SRGAP1: variants seen among roughly 807,000 people sequenced by gnomAD.
SRGAP1 encodes the protein SLIT-ROBO Rho GTPase activating protein 1.
A neutral mutation model predicts 121.9 loss-of-function variants in SRGAP1; 43 were observed. The ratio of observed to expected loss-of-function variants is 0.35; its 90% CI spans 0.28 to 0.46. The LOEUF is 0.46. SRGAP1 is among the 20% of genes least tolerant of loss of function. SRGAP1 has a pLI of 1.00. For synonymous variants in SRGAP1, 447 were observed against 485.4 expected (o/e 0.92, Z 1.04); for missense variants, 1,102 against 1,350.9 (o/e 0.82, Z 2.89).
Position 64,123,528 on chromosome 12 carries a change from A to T in SRGAP1, c.2225-2449A>T, listed in dbSNP as rs74502319. ...TAAAGTTATAGTCCCTCCTCTATGA[A>T]GCAGACACATAGATGTTTAATAAAG... is the stretch of plus-strand genomic sequence containing the variant. On this transcript the variant is annotated intron_variant, in intron 18 of 21. Transcript: ENST00000355086. Among the ~76,000 whole-genome samples the T allele has an allele frequency of 6.6e-5, 10 of 152,316 alleles. 1 individual carries two copies. In the East Asian group the frequency reaches 1.9e-3, roughly 29 times the overall value.
At chr12:64,082,844 T>A (rs1221308801) in intron 10 of SRGAP1, among the ~76,000 whole-genome samples, 1 of 152,188 alleles carries the variant, frequency 6.6e-6, no homozygotes, top group Non-Finnish European at 1.5e-5. Flanking sequence ...GGACTCCATT[T>A]ATGCTGCAGA....
intron 1 of SRGAP1, among the ~76,000 whole-genome samples, chr12:63,954,683 A>AAAAAAAAAAAAAAAAAAAG (rs1389261361): frequency 3.4e-5 from 5 of 147,904 alleles, no homozygotes; most frequent in African/African-American, 1.3e-4. Context: ...ATCTCAAAAA[A>AAAAAAAAAAAAAAAAAAAG]AAAAAAAAAG....
intron 15 of SRGAP1, among the ~76,000 whole-genome samples, chr12:64,107,175 C>T (rs146163454): frequency 5.9e-5 from 9 of 152,068 alleles, no homozygotes; most frequent in African/African-American, 2.2e-4. Context: ...TTTTTCGTAC[C>T]TTTTCAGCTA....
chr12:63,940,456 G>A (rs1232470203), intron 1 of SRGAP1, among the ~76,000 whole-genome samples: 4 of 150,920 alleles, frequency 2.7e-5, no homozygotes, highest in Non-Finnish European at 5.9e-5. Context: ...GAGTGTTTGT[G>A]TCAGGGGAGG....
chr12:64,034,528 C>T (rs2034856249), intron 4 of SRGAP1, among the ~76,000 whole-genome samples: 1 of 152,154 alleles, frequency 6.6e-6, no homozygotes, highest in Non-Finnish European at 1.5e-5. Flanking sequence ...AACAATCCCT[C>T]CAATCATGGA....
chr12:63,949,790 CTCA>C (rs1256639638), intron 1 of SRGAP1, among the ~76,000 whole-genome samples: 3 of 152,134 alleles, frequency 2.0e-5, no homozygotes, highest in African/African-American at 7.2e-5. Flanking sequence ...TTTGTGAGTA[CTCA>C]TCATTACTGA....
At position 64,150,974 on chromosome 12, in the gene SRGAP1, T is replaced by G. The variant is rs915157041; in HGVS notation, c.*8302T>G. 3.0e-5 allele frequency: 3 copies of G among 101,016 alleles called. No homozygotes were observed. The highest frequency in any genetic ancestry group is 4.7e-5 in the Non-Finnish European group (2 of 42,346). The allele number at this position is 101,016 out of a possible 1,614,324, so 6.3% of individuals were successfully genotyped here. Reference sequence around the variant, plus strand: ...AAAAAAAAAAAACATGGTCAAGATTTGTAATAGAAATTGCCATTTGAATTT... The same window carrying G: ...AAAAAAAAAAAACATGGTCAAGATTGGTAATAGAAATTGCCATTTGAATTT... On this transcript the variant is annotated 3_prime_UTR_variant, in exon 22 of 22. Coordinates refer to ENST00000355086, the MANE Select transcript of SRGAP1 (RefSeq NM_020762.4).
chr12:64,041,396 T>TGTA (rs2035020316), intron 4 of SRGAP1, among the ~76,000 whole-genome samples: 4 of 108,798 alleles, frequency 3.7e-5, no homozygotes, highest in African/African-American at 8.7e-5. Context: ...TATTTATTTA[T>TGTA]TTTTTTGAGG....
intron 11 of SRGAP1, among the ~76,000 whole-genome samples, chr12:64,088,063 C>T (rs789743): frequency 6.6e-6 from 1 of 151,988 alleles, no homozygotes; most frequent in Non-Finnish European, 1.5e-5. Flanking sequence ...TGAAATAAGA[C>T]GCATTTAGAA....
chr12:64,107,150 A>T (rs529204387), intron 15 of SRGAP1, among the ~76,000 whole-genome samples: 1 of 152,342 alleles, frequency 6.6e-6, no homozygotes, highest in African/African-American at 2.4e-5. Flanking sequence ...GTTAATCAAG[A>T]ATATTCCTAA....
intron 1 of SRGAP1, among the ~76,000 whole-genome samples, chr12:63,847,264 A>G (rs1898932641): frequency 6.6e-6 from 1 of 152,324 alleles, no homozygotes; most frequent in African/African-American, 2.4e-5. Context: ...CAGAGGTTAC[A>G]GTGAGCCGAA....
chr12:63,899,337 CAA>C (rs879489762), intron 1 of SRGAP1, among the ~76,000 whole-genome samples: 5 of 134,810 alleles, frequency 3.7e-5, no homozygotes, highest in Admixed American at 7.5e-5. Context: ...ATCCTGTCTC[CAA>C]AAAAAAAAAG....
At chr12:64,032,009 G>A (rs2034791932) in intron 4 of SRGAP1, among the ~76,000 whole-genome samples, 1 of 152,116 alleles carries the variant, frequency 6.6e-6, no homozygotes, top group South Asian at 2.1e-4. Flanking sequence ...TTTACTAGGG[G>A]CAAAATCTCA....
intron 1 of SRGAP1, among the ~76,000 whole-genome samples, chr12:63,857,643 C>CA (rs1406013537): frequency 6.6e-6 from 1 of 152,158 alleles, no homozygotes; most frequent in African/African-American, 2.4e-5. Context: ...CTTGGCCTCC[C>CA]AAAGTGCTGG....
intron 1 of SRGAP1, among the ~76,000 whole-genome samples, chr12:63,919,428 C>A (rs2030941701): frequency 6.8e-6 from 1 of 148,126 alleles, no homozygotes; most frequent in Non-Finnish European, 1.5e-5. Flanking sequence ...CCTTGGCCTA[C>A]CAAAGTGCTG....
chr12:64,003,478 G>GAAAAAAAAAA (rs531819299), intron 3 of SRGAP1, among the ~76,000 whole-genome samples: 2 of 42,776 alleles, frequency 4.7e-5, no homozygotes, highest in African/African-American at 6.2e-5. Context: ...GGAAGTTTCA[G>GAAAAAAAAAA]AAAAAAAAAA....
At chr12:63,950,802 A>C (rs2032262710) in intron 1 of SRGAP1, among the ~76,000 whole-genome samples, 1 of 152,098 alleles carries the variant, frequency 6.6e-6, no homozygotes, top group Non-Finnish European at 1.5e-5. Context: ...GGCATTGATC[A>C]TTTCAAACAG....
In SRGAP1 at chr12:63,971,996, C is replaced by T. The variant is rs1164470318; in HGVS notation, c.68-11951C>T. On this transcript the variant is annotated intron_variant, in intron 1 of 21. Coordinates refer to ENST00000355086, the MANE Select transcript of SRGAP1 (RefSeq NM_020762.4). ...CCATGTGGACCAGAGGTGATTGGAG[C>T]TCTCATTTATTGAAATGTAGTTAAA... Among the ~76,000 whole-genome samples the T allele has an allele frequency of 2.0e-5, 3 of 152,246 alleles. No homozygotes were observed. In the East Asian group the frequency reaches 5.8e-4, roughly 29 times the overall value.
At chr12:64,036,075 CA>C (rs578104227) in intron 4 of SRGAP1, among the ~76,000 whole-genome samples, 132 of 152,156 alleles carry the variant, frequency 8.7e-4, no homozygotes, top group Middle Eastern at 3.2e-3. Context: ...CTGTGTTCAT[CA>C]GCGGGTTTGG....
Sources: gnomAD v4.1 joint callset for allele counts (sites outside exome capture counted in the v4.1 genomes callset) on GRCh38, gnomAD v4.1.1 for gene constraint, MANE v1.5 for transcripts, NCBI Gene and HGNC (gene_info 2026-07-23, HGNC 2026-07-21) for gene names.